The following TRIP13 variants were observed in gnomAD, a reference collection of about 807,000 sequenced individuals.
TRIP13 encodes pachytene checkpoint protein 2 homolog.
Under a neutral mutation model 54.4 loss-of-function variants are expected in TRIP13, and 25 were observed. That is an observed-to-expected ratio of 0.46 (90% CI 0.33 to 0.64). The LOEUF (loss-of-function observed/expected upper bound fraction) is 0.64. Among genes scored for constraint, TRIP13 ranks in the 30% least tolerant of loss-of-function variants. The pLI is 0.02. For missense variants in TRIP13, 373 were observed against 534.2 expected (o/e 0.70, Z 2.97); for synonymous variants, 207 against 207.8 (o/e 1.00, Z 0.03).
Position 916,991 on chromosome 5 carries a change from G to C in TRIP13, c.1204-17G>C, listed in dbSNP as rs58876062. The C allele has an allele frequency of 0.019, 31,386 of 1,610,286 alleles. 2,056 individuals are homozygous for C. The East Asian group carries it at 0.2, about 10-fold the overall frequency. On this transcript the variant is annotated splice_polypyrimidine_tract_variant and intron_variant, in intron 12 of 12. Coordinates refer to ENST00000166345, the MANE Select transcript of TRIP13 (RefSeq NM_004237.4). Reference sequence around the variant, plus strand: ...ACGTGAGTTGAGCCCCTCCAGCAATGACCGTGTACCTTCTAGGCCCCCACC... The same window carrying C: ...ACGTGAGTTGAGCCCCTCCAGCAATCACCGTGTACCTTCTAGGCCCCCACC...
intron 6 of TRIP13, among the ~76,000 whole-genome samples, 162 bp from the exon 7 acceptor site, chr5:906,968 T>C (rs1449698105): frequency 1.3e-5 from 2 of 152,218 alleles, no homozygotes; most frequent in Non-Finnish European, 2.9e-5. Context: ...TTTTCATAAT[T>C]ATTTAGTACA....
chr5:910,928 G>T (rs1424868824), intron 9 of TRIP13, among the ~76,000 whole-genome samples: 1 of 152,220 alleles, frequency 6.6e-6, no homozygotes, highest in African/African-American at 2.4e-5. Context: ...CAGGCACAGG[G>T]CCTGCCCTCC....
At chr5:916,979 C>T in intron 12 of TRIP13, 29 bp from the exon 13 acceptor site, 1 of 1,604,408 alleles carries the variant, frequency 6.2e-7, no homozygotes, top group Middle Eastern at 1.7e-4. Flanking sequence ...TGAGTTGAGC[C>T]CCTCCAGCAA....
rs748698960 is a variant in TRIP13 at position 908,227 on chromosome 5, A to T, written c.760-128A>T. The T allele has an allele frequency of 1.4e-5, 19 of 1,399,236 alleles. No homozygotes were observed. The highest frequency in any genetic ancestry group is 1.9e-5 in the Non-Finnish European group (19 of 1,001,160). 86.7% of individuals were successfully genotyped at this position (1,399,236 alleles called of 1,614,324 possible). A position where few individuals can be genotyped will look rare whatever the true frequency, so the allele number is the denominator to read the frequency against. ...GTGCGCCTTTCCACCTTGCCGCAGC[A>T]TCCGCAGGCTAGGCACGGGAACACC... On this transcript the variant is annotated intron_variant, in intron 8 of 12. Transcript: ENST00000166345. This position sits in a 1 kb window ranked among gnomAD's most constrained non-coding sequence, Gnocchi z 5.2.
In TRIP13 at chr5:895,581, C is replaced by A. The variant is rs538287319; in HGVS notation, c.258+629C>A. On this transcript the variant is annotated intron_variant, in intron 2 of 12. Transcript: ENST00000166345. ...AAGTTCTGCTCGTGAGGTGGACCTC[C>A]CCATTCATACGTTAGGACTCATGTT... 9.8e-4 allele frequency among the ~76,000 whole-genome samples: 150 copies of A among 152,286 alleles called. 1 individual carries two copies. The highest frequency in any genetic ancestry group is 3.5e-3 in the African/African-American group (147 of 41,556).
rs113782742 is a variant in TRIP13, at chr5:907,315, T to C, written c.672+122T>C. ...ACTGGGTGGGAAGGGTGTGTGAGGA[T>C]TGGGGCTGACTGTGATCAGAGAAGG... On this transcript the variant is annotated intron_variant, in intron 7 of 12. Coordinates refer to ENST00000166345, the MANE Select transcript of TRIP13 (RefSeq NM_004237.4). The surrounding 1 kb of genome is among the most constrained non-coding windows in gnomAD (Gnocchi z 4.1). 78 of 881,388 alleles carry C rather than the reference T, an allele frequency of 8.8e-5. 2 individuals are homozygous for C. In the African/African-American group the frequency reaches 8.9e-4, roughly 10 times the overall value. The allele number at this position is 881,388 out of a possible 1,614,324, so 54.6% of individuals were successfully genotyped here.
At chr5:909,094 C>G (rs1385149283) in intron 9 of TRIP13, among the ~76,000 whole-genome samples, 1 of 152,270 alleles carries the variant, frequency 6.6e-6, no homozygotes, top group Non-Finnish European at 1.5e-5. Context: ...TCAGCACCAA[C>G]TAGTGCTGCT....
rs748965736 is a variant in TRIP13, at chr5:911,980, T to G, written c.1004T>G (p.Leu335Trp). ...ATCTTCAAAATCTACCTCTCTTGTT[T>G]GGAAGAACTGATGAAGGTACCTTTA... ...AAIFKIYLSCLEELMKCQIIY... is the reference protein window; with the variant it reads ...AAIFKIYLSCWEELMKCQIIY... The change falls in exon 10 of 13, where the codon TTG (leucine) becomes TGG (tryptophan). Residue 335 changes from leucine (L) to tryptophan (W), a missense_variant. Physicochemically the swap from Leu to Trp is moderately conservative, Grantham distance 61. Transcript: ENST00000166345. This position sits in a 1 kb window ranked among gnomAD's most constrained non-coding sequence, Gnocchi z 4.7. 6.2e-7 allele frequency: 1 copy of G among 1,610,350 alleles called. No individual in the cohort carries two copies. The highest frequency in any genetic ancestry group is 8.5e-7 in the Non-Finnish European group (1 of 1,179,034).
Position 917,120 on chromosome 5 carries a change from C to G in TRIP13, c.*17C>G. On this transcript the variant is annotated 3_prime_UTR_variant, in exon 13 of 13. Transcript: ENST00000166345. Reference sequence around the variant, plus strand: ...TACATCTGATCCTGGGCTTCCCCATCTGGTGCTTTTCCCATGGAGAACACA... The same window carrying G: ...TACATCTGATCCTGGGCTTCCCCATGTGGTGCTTTTCCCATGGAGAACACA... The G allele has an allele frequency of 6.2e-7, 1 of 1,613,040 alleles. No individual in the cohort carries two copies. The highest frequency in any genetic ancestry group is 8.5e-7 in the Non-Finnish European group (1 of 1,179,438).
chr5:902,678 A>C (rs1300564816), intron 5 of TRIP13, among the ~76,000 whole-genome samples: 1 of 152,136 alleles, frequency 6.6e-6, no homozygotes, highest in Non-Finnish European at 1.5e-5. Context: ...AAGAGATAAA[A>C]GACAGCTGGG....
At chr5:916,973 T>C (rs1579206192) in intron 12 of TRIP13, 35 bp from the exon 13 acceptor site, 2 of 1,602,244 alleles carry the variant, frequency 1.2e-6, no homozygotes, top group African/African-American at 1.3e-5. Context: ...CAAACGTGAG[T>C]TGAGCCCCTC....
Position 915,301 on chromosome 5 carries a change from C to G in TRIP13, c.1134-603C>G, listed in dbSNP as rs1754320839. 6.6e-6 allele frequency among the ~76,000 whole-genome samples: 1 copy of G among 152,250 alleles called. No individual in the cohort carries two copies. Among genetic ancestry groups the G allele is most frequent in the African/African-American group, 2.4e-5 (1 of 41,474 alleles). ...TATTTGGGGACTCTGTGCCTACTGA[C>G]CATGTGCCCGCTGCATCGTGCCTTA... On this transcript the variant is annotated intron_variant, in intron 11 of 12. Transcript: ENST00000166345. The surrounding 1 kb of genome is among the most constrained non-coding windows in gnomAD (Gnocchi z 4.2).
At chr5:905,622 G>A (rs528442506) in intron 6 of TRIP13, among the ~76,000 whole-genome samples, 9 of 152,120 alleles carry the variant, frequency 5.9e-5, no homozygotes, top group African/African-American at 1.2e-4. Context: ...CTGGTCTTCC[G>A]ACTCAGGAGT....
Position 901,362 on chromosome 5 carries a change from A to G in TRIP13, c.466A>G (p.Thr156Ala), listed in dbSNP as rs757602479. The G allele has an allele frequency of 1.2e-6, 2 of 1,614,004 alleles. No homozygotes were observed. Among genetic ancestry groups the G allele is most frequent in the African/African-American group, 1.3e-5 (1 of 74,918 alleles). Residue 156 changes from threonine (T) to alanine (A), a missense_variant, in exon 5 of 13, where the codon ACT (threonine) becomes GCT (alanine). Coordinates refer to ENST00000166345, the MANE Select transcript of TRIP13 (RefSeq NM_004237.4). ...KSHLLDYVMT[T>A]LLFSDKNVNS... ...TCAGCTCCTCGATTATGTGATGACA[A>G]CTTTACTGTTTTCAGACAAGAACGT...
chr5:905,357 C>T (rs536307236), intron 6 of TRIP13, among the ~76,000 whole-genome samples: 1 of 152,290 alleles, frequency 6.6e-6, no homozygotes, highest in Non-Finnish European at 1.5e-5. Flanking sequence ...GTCCCCTGCT[C>T]ACACACACCT....
In TRIP13 at chr5:915,314, G is replaced by A. The variant is rs565129200; in HGVS notation, c.1134-590G>A. On this transcript the variant is annotated intron_variant, in intron 11 of 12. Coordinates refer to ENST00000166345, the MANE Select transcript of TRIP13 (RefSeq NM_004237.4). The surrounding 1 kb of genome is among the most constrained non-coding windows in gnomAD (Gnocchi z 4.2). Reference sequence around the variant, plus strand: ...TGTGCCTACTGACCATGTGCCCGCTGCATCGTGCCTTACGCCTGGTGCTCC... The same window carrying A: ...TGTGCCTACTGACCATGTGCCCGCTACATCGTGCCTTACGCCTGGTGCTCC... Among the ~76,000 whole-genome samples the A allele has an allele frequency of 1.0e-3, 152 of 152,366 alleles. 1 individual carries two copies. Among genetic ancestry groups the A allele is most frequent in the Non-Finnish European group, 1.6e-3 (107 of 68,046 alleles).
intron 1 of TRIP13, 97 bp from the exon 2 acceptor site, chr5:894,690 C>G: frequency 7.2e-7 from 1 of 1,388,884 alleles, no homozygotes; most frequent in Non-Finnish European, 9.5e-7. Flanking sequence ...AACTACTGGG[C>G]TTTCTTATGT....
At chr5:916,021 C>T (rs1241140384) in intron 12 of TRIP13, 48 bp downstream of exon 12, 10 of 1,583,660 alleles carry the variant, frequency 6.3e-6, no homozygotes, top group Non-Finnish European at 8.7e-6. Context: ...CCACAGGTCT[C>T]AGCCTCGCCG....
At chr5:918,677 CA>C (rs1181137249), downstream of TRIP13, among the ~76,000 whole-genome samples, 1 of 152,120 alleles carries the variant, frequency 6.6e-6, no homozygotes, top group Non-Finnish European at 1.5e-5. This position sits in a 1 kb window ranked among gnomAD's most constrained non-coding sequence, Gnocchi z 4.3. Flanking sequence ...CAAGGTCCCA[CA>C]GTAGGCCATC....
Sources: gnomAD v4.1 joint callset for allele counts (sites outside exome capture counted in the v4.1 genomes callset) on GRCh38, gnomAD v4.1.1 for gene constraint, Gnocchi (gnomAD v3.1) non-coding constraint, MANE v1.5 for transcripts, NCBI Gene and HGNC (gene_info 2026-07-23, HGNC 2026-07-21) for gene names.